CA10: variants seen among roughly 807,000 people sequenced by gnomAD.
CA10 encodes the protein carbonic anhydrase-related protein 10.
Under a neutral mutation model 44.2 loss-of-function variants are expected in CA10, and 14 were observed. That is an observed-to-expected ratio of 0.32 (90% CI 0.21 to 0.50). CA10 has a LOEUF of 0.50. Among genes scored for constraint, CA10 ranks in the 20% least tolerant of loss-of-function variants. The probability of loss-of-function intolerance (pLI) is 0.99; values close to 1 mark genes in which losing one functional copy is unlikely to be tolerated. For synonymous variants in CA10, 159 were observed against 141.6 expected (o/e 1.12, Z -0.87); for missense variants, 350 against 409.7 (o/e 0.85, Z 1.26).
At position 52,073,413 on chromosome 17, in the gene CA10, T is replaced by C. The variant is rs145937980; in HGVS notation, c.62-1020A>G. Among the ~76,000 whole-genome samples the C allele has an allele frequency of 7.2e-5, 11 of 152,282 alleles. No homozygotes were observed. The South Asian group carries it at 2.1e-3, about 29-fold the overall frequency. On this transcript the variant is annotated intron_variant, in intron 1 of 8. Coordinates refer to ENST00000451037, the MANE Select transcript of CA10 (RefSeq NM_020178.5). The stretch of plus-strand genomic sequence containing the variant: ...GGACTGTTTAGCTTCAAGTCTCTTC[T>C]TATAGTATAGTGAAGATACTTTTTC...
Position 51,633,663 on chromosome 17 carries a change from A to C in CA10, c.790-13T>G. 1 of 1,608,570 alleles carries C rather than the reference A, an allele frequency of 6.2e-7. No homozygotes were observed. Among genetic ancestry groups the C allele is most frequent in the Non-Finnish European group, 8.5e-7 (1 of 1,177,026 alleles). On this transcript the variant is annotated splice_polypyrimidine_tract_variant and intron_variant, in intron 7 of 8. Transcript: ENST00000451037. ...GCAAGGAATGCATCTGAGGAGAGAGAAGTGGCCGTGAGATCCAACCATCCT... is the reference window on the plus strand; with the variant it reads ...GCAAGGAATGCATCTGAGGAGAGAGCAGTGGCCGTGAGATCCAACCATCCT...
chr17:51,659,400 T>C (rs1282218847), intron 4 of CA10, among the ~76,000 whole-genome samples: 1 of 152,180 alleles, frequency 6.6e-6, no homozygotes, highest in African/African-American at 2.4e-5. Flanking sequence ...GACTGCACAT[T>C]GTGGGACTTC....
chr17:51,697,692 C>A (rs1032836274), intron 4 of CA10, among the ~76,000 whole-genome samples: 1 of 152,190 alleles, frequency 6.6e-6, no homozygotes. Flanking sequence ...TTATCCCCAG[C>A]AACTAGAACA....
chr17:51,866,330 A>G (rs940065712), intron 3 of CA10, among the ~76,000 whole-genome samples: 5 of 152,222 alleles, frequency 3.3e-5, no homozygotes, highest in African/African-American at 4.8e-5. Context: ...TGGAGTTCAC[A>G]TAACAGCTTC....
chr17:52,118,263 CGATTTTCATTTG>C (rs1988940254), intron 1 of CA10, among the ~76,000 whole-genome samples: 1 of 152,056 alleles, frequency 6.6e-6, no homozygotes, highest in Non-Finnish European at 1.5e-5. Context: ...GGATAATGAG[CGATTTTCATTTG>C]CCTTGTGGAT....
chr17:51,884,401 A>G (rs1212104170), intron 3 of CA10, among the ~76,000 whole-genome samples: 4 of 152,014 alleles, frequency 2.6e-5, no homozygotes, highest in African/African-American at 9.7e-5. Context: ...CCAGCCTCCA[A>G]GCTTTCTCTA....
chr17:52,023,192 C>T (rs1986196104), intron 2 of CA10, among the ~76,000 whole-genome samples: 1 of 151,982 alleles, frequency 6.6e-6, no homozygotes, highest in East Asian at 1.9e-4. Context: ...CATCACATTA[C>T]CCAACTTCAA....
At chr17:51,927,853 C>T (rs1291133141) in intron 3 of CA10, among the ~76,000 whole-genome samples, 3 of 152,122 alleles carry the variant, frequency 2.0e-5, no homozygotes, top group Admixed American at 1.3e-4. Flanking sequence ...ATCTCCCCAA[C>T]CTCCTCTTTT....
At chr17:51,936,949 T>C (rs1011637360) in intron 2 of CA10, among the ~76,000 whole-genome samples, 6 of 152,150 alleles carry the variant, frequency 3.9e-5, no homozygotes, top group African/African-American at 1.4e-4. Flanking sequence ...AATTATTCTC[T>C]TCAAAATATG....
intron 1 of CA10, among the ~76,000 whole-genome samples, chr17:52,081,974 C>A (rs1309882979): frequency 6.6e-6 from 1 of 152,074 alleles, no homozygotes; most frequent in Non-Finnish European, 1.5e-5. Flanking sequence ...AATTTGGGAG[C>A]ATCTTCAGTC....
chr17:51,698,257 C>A (rs553672348), intron 4 of CA10, among the ~76,000 whole-genome samples: 18 of 152,360 alleles, frequency 1.2e-4, no homozygotes, highest in African/African-American at 4.1e-4. Flanking sequence ...CACCTTCCGT[C>A]TGGCTGGCTC....
intron 3 of CA10, among the ~76,000 whole-genome samples, chr17:51,755,592 G>A (rs1905051911): frequency 6.6e-6 from 1 of 152,174 alleles, no homozygotes; most frequent in African/African-American, 2.4e-5. Context: ...GAGTAGCTGA[G>A]AGGAAATAGA....
intron 3 of CA10, among the ~76,000 whole-genome samples, chr17:51,858,481 G>A: frequency 6.6e-6 from 1 of 152,118 alleles, no homozygotes; most frequent in East Asian, 1.9e-4. Flanking sequence ...AATAGCTCCG[G>A]TTACAGCTGA....
At chr17:52,014,534 A>G (rs1402135787) in intron 2 of CA10, among the ~76,000 whole-genome samples, 1 of 152,058 alleles carries the variant, frequency 6.6e-6, no homozygotes, top group African/African-American at 2.4e-5. Flanking sequence ...GAAGTATAAT[A>G]TTTTTATAAT....
chr17:51,821,861 G>A (rs1238449955), intron 3 of CA10, among the ~76,000 whole-genome samples: 1 of 152,158 alleles, frequency 6.6e-6, no homozygotes, highest in Admixed American at 6.5e-5. Context: ...TCTATTGGCT[G>A]TGACCTTTGG....
intron 3 of CA10, among the ~76,000 whole-genome samples, chr17:51,794,109 G>C (rs181562477): frequency 6.6e-6 from 1 of 152,206 alleles, no homozygotes; most frequent in Admixed American, 6.5e-5. Context: ...CAGGGTTTTC[G>C]TTGGGTCTCG....
intron 2 of CA10, among the ~76,000 whole-genome samples, chr17:52,054,620 A>G (rs1464535013): frequency 6.6e-6 from 1 of 152,016 alleles, no homozygotes; most frequent in Non-Finnish European, 1.5e-5. Flanking sequence ...CTTGGGGGGC[A>G]TCACGGAACC....
intron 3 of CA10, among the ~76,000 whole-genome samples, chr17:51,796,113 T>C (rs551935368): frequency 2.6e-5 from 4 of 152,318 alleles, no homozygotes; most frequent in African/African-American, 9.6e-5. Context: ...ATCTCTGTGA[T>C]GACCTGGTCC....
intron 3 of CA10, among the ~76,000 whole-genome samples, chr17:51,814,376 C>T (rs1176145197): frequency 6.6e-6 from 1 of 152,106 alleles, no homozygotes; most frequent in Non-Finnish European, 1.5e-5. Flanking sequence ...GGCCTAGAGG[C>T]TCCAGAGGCA....
Sources: gnomAD v4.1 joint callset for allele counts (sites outside exome capture counted in the v4.1 genomes callset) on GRCh38, gnomAD v4.1.1 for gene constraint, MANE v1.5 for transcripts, NCBI Gene and HGNC (gene_info 2026-07-23, HGNC 2026-07-21) for gene names.